SYMPK: variants seen among roughly 807,000 people sequenced by gnomAD.
SYMPK encodes symplekin scaffold protein, also known as symplekin.
A neutral mutation model predicts 136.4 loss-of-function variants in SYMPK; 49 were observed. The observed-to-expected ratio is 0.36, with a 90% confidence interval of 0.29 to 0.46. The LOEUF (loss-of-function observed/expected upper bound fraction) is 0.46, where lower values mean the gene tolerates loss of function less well. Among genes scored for constraint, SYMPK ranks in the 20% least tolerant of loss-of-function variants. The pLI is 1.00. For synonymous variants in SYMPK, 766 were observed against 713.0 expected, an observed-to-expected ratio of 1.07 and a Z score of -1.19; for missense variants, 1,365 against 1,690.0, an observed-to-expected ratio of 0.81 and a Z score of 3.37.
chr19:45,838,356 G>C, intron 10 of SYMPK, 105 bp downstream of exon 10: 1 of 1,339,656 alleles, frequency 7.5e-7, no homozygotes, highest in Non-Finnish European at 1.0e-6. Context: ...TATTAATTAG[G>C]AGGGTACTCT....
intron 14 of SYMPK, 122 bp downstream of exon 14, chr19:45,828,848 G>T: frequency 1.1e-6 from 1 of 906,246 alleles, no homozygotes; most frequent in Non-Finnish European, 1.7e-6. Context: ...GACTTGGGAT[G>T]GGTGCGAGGA....
intron 9 of SYMPK, among the ~76,000 whole-genome samples, chr19:45,838,833 G>A (rs1971369060): frequency 1.3e-5 from 2 of 152,190 alleles, no homozygotes; most frequent in South Asian, 2.1e-4. Context: ...CTCCTGATCT[G>A]GGAAATGGGA....
chr19:45,815,511 T>TACC lies in SYMPK; in HGVS notation c.*48_*49insGGT. 5.9e-6 allele frequency: 6 copies of TACC among 1,012,788 alleles called. No homozygotes were observed. The highest frequency in any genetic ancestry group is 5.4e-6 in the Non-Finnish European group (4 of 736,544). The allele number at this position is 1,012,788 out of a possible 1,614,324, so 62.7% of individuals were successfully genotyped here. A position where few individuals can be genotyped will look rare whatever the true frequency, so the allele number is the denominator to read the frequency against. Reference sequence around the variant, plus strand: ...CACCCGCAGGTCAAGCCCCGCCCCGTCCCCCAGCCCCGAGTCCCTGTCCCA... The same window carrying TACC: ...CACCCGCAGGTCAAGCCCCGCCCCGTACCCCCCCAGCCCCGAGTCCCTGTCCCA... On this transcript the variant is annotated 3_prime_UTR_variant, in exon 27 of 27. Coordinates refer to ENST00000245934, the MANE Select transcript of SYMPK (RefSeq NM_004819.3).
intron 17 of SYMPK, 91 bp downstream of exon 17, chr19:45,826,135 C>T (rs1156922219): frequency 3.1e-5 from 47 of 1,507,558 alleles, no homozygotes; most frequent in Admixed American, 4.0e-5. Flanking sequence ...CACTCGTGTC[C>T]GAGTGGCTTC....
rs369806572 is a variant in SYMPK at position 45,816,007 on chromosome 19, C to T, written c.3531G>A (p.Ser1177=). 6.2e-6 allele frequency: 10 copies of T among 1,600,318 alleles called. No homozygotes were observed. The highest frequency in any genetic ancestry group is 2.2e-5 in the South Asian group (2 of 89,118). The change falls in exon 26 of 27, where the codon TCG becomes TCA. Residue 1177 remains serine (S), a synonymous_variant. Coordinates refer to ENST00000245934, the MANE Select transcript of SYMPK (RefSeq NM_004819.3). The part of the protein sequence containing the change: ...PSSSSPSPSP[S]ARPGPPPSEE... ...CAGACGGGGGCGGGCCTGGCCGGGC[C>T]GACGGAGAGGGAGAGGGGGAGGAAG...
chr19:45,859,951 T>C (rs981430400), intron 1 of SYMPK, among the ~76,000 whole-genome samples: 5 of 45,566 alleles, frequency 1.1e-4, no homozygotes, highest in Admixed American at 2.6e-4. Flanking sequence ...TAAGACTCCA[T>C]CTAAAAAAAA....
Position 45,859,414 on chromosome 19 carries a change from A to G in SYMPK, c.-13+3644T>C, listed in dbSNP as rs145372193. Among the ~76,000 whole-genome samples the G allele has an allele frequency of 4.2e-3, 638 of 152,070 alleles. 2 individuals carry two copies. The highest frequency in any genetic ancestry group is 0.014 in the African/African-American group (599 of 41,462). The stretch of plus-strand genomic sequence containing the variant: ...GGAGTTCAAGACCAGCCTGGCCAAC[A>G]TGGCAAAACCCAGTCTCTGCTAAAA... On this transcript the variant is annotated intron_variant, in intron 1 of 26. Transcript: ENST00000245934.
At chr19:45,859,621 C>T (rs1971913633) in intron 1 of SYMPK, among the ~76,000 whole-genome samples, 1 of 151,158 alleles carries the variant, frequency 6.6e-6, no homozygotes, top group African/African-American at 2.4e-5. Context: ...AAAACAAAAA[C>T]AAAGAAAGGA....
chr19:45,846,147 A>G (rs1971554567), intron 7 of SYMPK, among the ~76,000 whole-genome samples: 1 of 152,136 alleles, frequency 6.6e-6, no homozygotes, highest in Non-Finnish European at 1.5e-5. Context: ...GAGGCAGGAG[A>G]ATGGCGTGAA....
intron 11 of SYMPK, among the ~76,000 whole-genome samples, chr19:45,834,514 TAGCTCA>T (rs1568616185): frequency 8.9e-6 from 1 of 111,944 alleles, no homozygotes; most frequent in Non-Finnish European, 2.0e-5. Context: ...GAGCTATGTT[TAGCTCA>T]TTATGAGCTA....
At position 45,816,759 on chromosome 19, in the gene SYMPK, G is replaced by C. The variant is rs1413106578; in HGVS notation, c.3258+39C>G. 7.4e-6 allele frequency: 11 copies of C among 1,494,272 alleles called. No homozygotes were observed. In the East Asian group the frequency reaches 2.0e-4, roughly 27 times the overall value. 92.6% of individuals were successfully genotyped at this position (1,494,272 alleles called of 1,614,324 possible). The stretch of plus-strand genomic sequence containing the variant: ...CAGGGGGCCGCCCACCGCACACCCT[G>C]GGTGGGGGGAAAGGGTACCTGGTGG... On this transcript the variant is annotated intron_variant, in intron 24 of 26. Transcript: ENST00000245934.
chr19:45,854,555 G>A, intron 1 of SYMPK, 48 bp from the exon 2 acceptor site: 2 of 1,495,764 alleles, frequency 1.3e-6, no homozygotes, highest in Non-Finnish European at 1.8e-6. Context: ...GGAACCAGCG[G>A]ATGGGCTGGG....
At chr19:45,818,347 GGTT>G (rs1248629723) in intron 22 of SYMPK, among the ~76,000 whole-genome samples, 21 of 152,324 alleles carry the variant, frequency 1.4e-4, no homozygotes, top group African/African-American at 4.8e-4. Context: ...CTGCAGGCTT[GGTT>G]CAAGGGAGAA....
intron 1 of SYMPK, among the ~76,000 whole-genome samples, chr19:45,858,758 G>A (rs1053148708): frequency 4.6e-5 from 7 of 152,122 alleles, no homozygotes; most frequent in Non-Finnish European, 5.9e-5. Flanking sequence ...CAGGTGATTC[G>A]CCCGCCTTGG....
At chr19:45,832,776 G>A (rs1482699474) in intron 11 of SYMPK, among the ~76,000 whole-genome samples, 2 of 150,072 alleles carry the variant, frequency 1.3e-5, no homozygotes, top group East Asian at 2.0e-4. Context: ...TTAACAGGCC[G>A]AGGAGAGTGG....
chr19:45,828,819 G>C, intron 14 of SYMPK, 151 bp downstream of exon 14: 2 of 718,916 alleles, frequency 2.8e-6, no homozygotes, highest in South Asian at 3.7e-5. Context: ...CGTGCCTCCA[G>C]AGGGGGAGGA....
chr19:45,827,960 G>A (rs755073322), intron 14 of SYMPK, 42 bp from the exon 15 acceptor site: 1 of 1,593,638 alleles, frequency 6.3e-7, no homozygotes, highest in Non-Finnish European at 8.6e-7. Flanking sequence ...AGAGGAAGAG[G>A]CCGCCTGGCT....
chr19:45,824,890 T>C (rs928381247), intron 18 of SYMPK, among the ~76,000 whole-genome samples: 8 of 152,158 alleles, frequency 5.3e-5, no homozygotes, highest in African/African-American at 1.9e-4. Context: ...GACTGGAACG[T>C]CTTCCCCATT....
chr19:45,854,429 CCTCTT>C lies in SYMPK; in HGVS notation c.62_66del (p.Gln21ArgfsTer27). On this transcript the variant is annotated frameshift_variant, in exon 2 of 27. Coordinates refer to ENST00000245934, the MANE Select transcript of SYMPK (RefSeq NM_004819.3). LOFTEE classifies it high-confidence loss of function. Reference sequence around the variant, plus strand: ...GTCATGCCATCGATGCCCGGCCCCTCCTCTTGAGTGAAAAACTGTGATGCCACGCT... The same window carrying C: ...GTCATGCCATCGATGCCCGGCCCCTCGAGTGAAAAACTGTGATGCCACGCT... The C allele has an allele frequency of 6.2e-7, 1 of 1,614,162 alleles. No homozygotes were observed. Among genetic ancestry groups the C allele is most frequent in the Non-Finnish European group, 8.5e-7 (1 of 1,180,030 alleles).
Sources: gnomAD v4.1 joint callset for allele counts (sites outside exome capture counted in the v4.1 genomes callset) on GRCh38, gnomAD v4.1.1 for gene constraint, MANE v1.5 for transcripts, NCBI Gene and HGNC (gene_info 2026-07-23, HGNC 2026-07-21) for gene names.